The following CERS3 variants were observed in gnomAD, a reference collection of about 807,000 sequenced individuals.
The protein encoded by CERS3 is LAG1 homolog, ceramide synthase 3.
A neutral mutation model predicts 50.3 loss-of-function variants in CERS3; 33 were observed. The observed-to-expected ratio is 0.66, with a 90% confidence interval of 0.50 to 0.88. The LOEUF (loss-of-function observed/expected upper bound fraction) is 0.88, where lower values mean the gene tolerates loss of function less well. Ranked by LOEUF, CERS3 falls within the 40% of genes least tolerant of loss-of-function variation. The probability of loss-of-function intolerance (pLI) is 0.00; values close to 1 mark genes in which losing one functional copy is unlikely to be tolerated. For synonymous variants in CERS3, 176 were observed against 155.2 expected (o/e 1.13, Z -0.99); for missense variants, 470 against 460.3 (o/e 1.02, Z -0.19).
At chr15:100,487,289 G>A (rs2035515278) in intron 4 of CERS3, among the ~76,000 whole-genome samples, 1 of 152,134 alleles carries the variant, frequency 6.6e-6, no homozygotes, top group Non-Finnish European at 1.5e-5. Flanking sequence ...CAAAGTTAAT[G>A]GTACAAATAA....
intron 2 of CERS3, among the ~76,000 whole-genome samples, chr15:100,517,701 AG>A (rs1358024127): frequency 1.3e-5 from 2 of 152,268 alleles, no homozygotes; most frequent in East Asian, 1.9e-4. Context: ...GTTTGCAGGC[AG>A]GGTTTCCTGT....
intron 4 of CERS3, among the ~76,000 whole-genome samples, chr15:100,490,457 A>T (rs144458009): frequency 4.9e-4 from 75 of 152,302 alleles, no homozygotes; most frequent in African/African-American, 1.5e-3. Flanking sequence ...AAATTGTCAG[A>T]TATGGGCTTC....
chr15:100,442,162 G>A (rs982939321), intron 11 of CERS3, among the ~76,000 whole-genome samples: 51 of 152,164 alleles, frequency 3.4e-4, no homozygotes, highest in Non-Finnish European at 3.7e-4. Flanking sequence ...ATCAGATAGT[G>A]TTTAGGCTCT....
At position 100,509,130 on chromosome 15, in the gene CERS3, G is replaced by C. The variant is rs188587808; in HGVS notation, c.-1-7280C>G. 1.4e-4 allele frequency among the ~76,000 whole-genome samples: 22 copies of C among 152,116 alleles called. 1 individual carries two copies. In the East Asian group the frequency reaches 4.3e-3, roughly 29 times the overall value. ...CAAGAAGACAATGTAGCTAATGTAG[G>C]GGGTTCACGGTCATTCTTTTCTAAC... is the stretch of plus-strand genomic sequence containing the variant. On this transcript the variant is annotated intron_variant, in intron 2 of 11. Transcript: ENST00000679737.
chr15:100,533,411 A>G (rs780236626), upstream of CERS3, among the ~76,000 whole-genome samples: 6 of 152,100 alleles, frequency 3.9e-5, no homozygotes, highest in Non-Finnish European at 8.8e-5. Context: ...ATGTATCTAT[A>G]TATTTGCCAT....
chr15:100,436,947 T>C (rs990505024), intron 11 of CERS3, among the ~76,000 whole-genome samples: 2 of 148,096 alleles, frequency 1.4e-5, no homozygotes, highest in Admixed American at 1.5e-4. Context: ...CCTGACTTTT[T>C]TTTTTTTTTT....
upstream of CERS3, among the ~76,000 whole-genome samples, chr15:100,529,861 C>A (rs769654851): frequency 1.3e-5 from 2 of 152,138 alleles, no homozygotes; most frequent in Non-Finnish European, 1.5e-5. Context: ...AGACATTTTT[C>A]TTTTTTCATC....
chr15:100,533,714 C>A (rs1293359302), upstream of CERS3, among the ~76,000 whole-genome samples: 1 of 151,970 alleles, frequency 6.6e-6, no homozygotes, highest in Non-Finnish European at 1.5e-5. Context: ...CGTGTTACCA[C>A]CCCCAGCTAA....
chr15:100,516,904 G>C (rs905549), intron 2 of CERS3, among the ~76,000 whole-genome samples: 91,110 of 152,174 alleles, frequency 0.6, 27,457 homozygotes, highest in Admixed American at 0.64. Flanking sequence ...AACAAGAGTA[G>C]GATTTCCAGG....
At chr15:100,521,445 C>T (rs906922826) in intron 2 of CERS3, among the ~76,000 whole-genome samples, 1 of 152,152 alleles carries the variant, frequency 6.6e-6, no homozygotes, top group South Asian at 2.1e-4. Flanking sequence ...GCTGCTGTCA[C>T]ATGAAGCTTT....
Position 100,511,769 on chromosome 15 carries a change from T to TG in CERS3, c.-2+9897dup, listed in dbSNP as rs201319620. On this transcript the variant is annotated intron_variant, in intron 2 of 11. Coordinates refer to ENST00000679737, the MANE Select transcript of CERS3 (RefSeq NM_001378789.1). ...GAGCATCGTAAGTCCACTGGGAGCCTGGTTTCCATTAATGTTCTGTTACAT... is the reference window on the plus strand; with the variant it reads ...GAGCATCGTAAGTCCACTGGGAGCCTGGGTTTCCATTAATGTTCTGTTACAT... 1.4e-3 allele frequency among the ~76,000 whole-genome samples: 10 copies of TG among 7,196 alleles called. 1 individual carries two copies. The highest frequency in any genetic ancestry group is 4.3e-3 in the South Asian group (1 of 234). The allele number at this position is 7,196 out of a possible 152,430, so 4.7% of individuals were successfully genotyped here.
chr15:100,444,838 G>A (rs916653420), intron 11 of CERS3, among the ~76,000 whole-genome samples: 12 of 152,080 alleles, frequency 7.9e-5, no homozygotes, highest in African/African-American at 2.9e-4. Context: ...AGGCCACCAT[G>A]GTCATTTCTT....
intron 11 of CERS3, among the ~76,000 whole-genome samples, chr15:100,451,386 G>T (rs1037652589): frequency 9.9e-5 from 15 of 151,908 alleles, no homozygotes; most frequent in African/African-American, 3.1e-4. Flanking sequence ...CTGCCTACAA[G>T]AAGTTTATTT....
intron 5 of CERS3, among the ~76,000 whole-genome samples, chr15:100,483,788 T>TTATTATTATTA (rs1555530335): frequency 1.1e-4 from 4 of 35,912 alleles, no homozygotes; most frequent in African/African-American, 4.7e-4. Context: ...ATTATTATTA[T>TTATTATTATTA]TTTTTTTTTT....
intron 3 of CERS3, among the ~76,000 whole-genome samples, chr15:100,497,886 CACACACACACT>C (rs1408116509): frequency 1.8e-4 from 19 of 103,612 alleles, no homozygotes; most frequent in East Asian, 3.1e-4. Flanking sequence ...CACACACACA[CACACACACACT>C]TTTTTTTTTT....
intron 4 of CERS3, 116 bp from the exon 5 acceptor site, chr15:100,484,784 G>A: frequency 1.3e-6 from 1 of 745,514 alleles, no homozygotes; most frequent in Non-Finnish European, 2.3e-6. Flanking sequence ...GAGAAATTCT[G>A]TCATGAGACC....
At chr15:100,467,850 T>TATACATAGATAGATAG (rs145899470) in intron 10 of CERS3, among the ~76,000 whole-genome samples, 1 of 93,136 alleles carries the variant, frequency 1.1e-5, no homozygotes, top group African/African-American at 3.7e-5. Flanking sequence ...TATATATATA[T>TATACATAGATAGATAG]ATAGATAGAT....
chr15:100,455,315 G>A (rs1212722009), intron 11 of CERS3, among the ~76,000 whole-genome samples: 5 of 152,064 alleles, frequency 3.3e-5, no homozygotes, highest in African/African-American at 1.2e-4. Context: ...GGGTGTGTTG[G>A]TGGGGTTGGG....
intron 6 of CERS3, 105 bp from the exon 7 acceptor site, chr15:100,479,583 G>T: frequency 1.3e-6 from 1 of 793,174 alleles, no homozygotes. Context: ...GTCATTTACA[G>T]CAGGCAAAGA....
Sources: allele counts gnomAD v4.1 joint callset (sites outside exome capture counted in the v4.1 genomes callset), GRCh38; gene constraint gnomAD v4.1.1; transcripts MANE v1.5; gene names NCBI Gene and HGNC (gene_info 2026-07-23, HGNC 2026-07-21).